The following ROR1 variants were observed in gnomAD, a reference collection of about 807,000 sequenced individuals.
The protein encoded by ROR1 is ROR family WNT receptor 1, also known as inactive tyrosine-protein kinase transmembrane receptor ROR1.
A neutral mutation model predicts 78.8 loss-of-function variants in ROR1; 19 were observed. The observed-to-expected ratio is 0.24, with a 90% CI of 0.17 to 0.35. The LOEUF (loss-of-function observed/expected upper bound fraction) is 0.35, where lower values mean the gene tolerates loss of function less well. Ranked by LOEUF, ROR1 falls within the 10% of genes least tolerant of loss-of-function variation. The probability of loss-of-function intolerance (pLI) is 1.00; values close to 1 mark genes in which losing one functional copy is unlikely to be tolerated. For synonymous variants in ROR1, 386 were observed against 433.6 expected, an observed-to-expected ratio of 0.89 and a Z score of 1.36; for missense variants, 917 against 1,177.8, an observed-to-expected ratio of 0.78 and a Z score of 3.24.
At chr1:63,950,562 T>A (rs1157809648) in intron 1 of ROR1, among the ~76,000 whole-genome samples, 1 of 152,220 alleles carries the variant, frequency 6.6e-6, no homozygotes, top group Non-Finnish European at 1.5e-5. Context: ...TTGTGACCTG[T>A]ATTTTGTGCC....
intron 1 of ROR1, among the ~76,000 whole-genome samples, chr1:63,869,170 T>G (rs1350686400): frequency 1.3e-5 from 2 of 152,188 alleles, no homozygotes; most frequent in Non-Finnish European, 2.9e-5. Flanking sequence ...TCTGTTGTTT[T>G]TTGGAACCAT....
intron 8 of ROR1, among the ~76,000 whole-genome samples, chr1:64,167,063 C>T (rs138712996): frequency 1.4e-3 from 214 of 152,272 alleles, no homozygotes; most frequent in Non-Finnish European, 2.0e-3. Context: ...TCAGAATTGG[C>T]CCAAAGTCAC....
chr1:64,146,305 G>A (rs1337541913), intron 7 of ROR1, among the ~76,000 whole-genome samples: 4 of 152,182 alleles, frequency 2.6e-5, no homozygotes, highest in Admixed American at 1.3e-4. Context: ...GTGAAACCCC[G>A]TCTCTACCAA....
rs1650433408 is a variant in ROR1 at position 64,177,990 on chromosome 1, G to A, written c.1949G>A (p.Ser650Asn). ...IYSADYYRVQ[S>N]KSLLPIRWMP... is the part of the protein sequence containing the mutation. ...TCCGCTGATTACTACAGGGTCCAGA[G>A]TAAGTCCTTGCTGCCCATTCGCTGG... Residue 650 changes from serine to asparagine, a missense_variant, in exon 9 of 9, where the codon AGT (serine) becomes AAT (asparagine). Physicochemically the swap from Ser to Asn is conservative, Grantham distance 46. Around this residue, in one of 3 missense-constraint regions of ROR1, gnomAD observed 835 missense variants for 1,069.8 expected, o/e 0.78. Coordinates refer to ENST00000371079, the MANE Select transcript of ROR1 (RefSeq NM_005012.4). 1 of 1,614,224 alleles carries A rather than the reference G, an allele frequency of 6.2e-7. No homozygotes were observed. Among genetic ancestry groups the A allele is most frequent in the Admixed American group, 1.7e-5 (1 of 60,030 alleles).
chr1:63,820,404 C>T (rs1466011847), intron 1 of ROR1, among the ~76,000 whole-genome samples: 1 of 152,178 alleles, frequency 6.6e-6, no homozygotes, highest in African/African-American at 2.4e-5. Flanking sequence ...TGTGATTGCA[C>T]TGTAGAAGGC....
chr1:64,118,632 CAAAAAAAAAAAAAA>C (rs3084938), intron 4 of ROR1, among the ~76,000 whole-genome samples: 10 of 65,848 alleles, frequency 1.5e-4, no homozygotes, highest in East Asian at 1.5e-3. Flanking sequence ...GACTCCATCT[CAAAAAAAAAAAAAA>C]AAAAAAAAAA....
intron 1 of ROR1, among the ~76,000 whole-genome samples, chr1:63,986,004 T>C (rs572640038): frequency 1.3e-5 from 2 of 152,280 alleles, no homozygotes; most frequent in East Asian, 3.9e-4. Context: ...AATCATTTCT[T>C]GTTCACTGCC....
At chr1:63,967,854 C>A (rs754753515) in intron 1 of ROR1, among the ~76,000 whole-genome samples, 7 of 152,168 alleles carry the variant, frequency 4.6e-5, no homozygotes, top group Non-Finnish European at 7.3e-5. Flanking sequence ...ATTTGGGTTT[C>A]TGTTGACTGG....
At chr1:64,132,302 T>A (rs902608871) in intron 4 of ROR1, among the ~76,000 whole-genome samples, 1 of 152,220 alleles carries the variant, frequency 6.6e-6, no homozygotes, top group Non-Finnish European at 1.5e-5. Flanking sequence ...TCCATTCATC[T>A]GTTGATGAAC....
chr1:64,157,946 TGA>T (rs1649820975), intron 7 of ROR1, among the ~76,000 whole-genome samples: 1 of 152,376 alleles, frequency 6.6e-6, no homozygotes, highest in Non-Finnish European at 1.5e-5. Flanking sequence ...TGTGTCAATT[TGA>T]GTTTTCACAC....
rs74695748 is a variant in ROR1, at chr1:64,060,501, A to G, written c.482+9785A>G. 1.6e-3 allele frequency among the ~76,000 whole-genome samples: 244 copies of G among 152,312 alleles called. 2 individuals are homozygous for G. In the East Asian group the frequency reaches 0.036, roughly 23 times the overall value. ...CTATTTTCCTCTTTTATCCATTTCC[A>G]AGTGTTAGCCATAGTGAAGAAGTGT... On this transcript the variant is annotated intron_variant, in intron 4 of 8. Transcript: ENST00000371079.
chr1:63,890,732 G>A (rs542143373), intron 1 of ROR1, among the ~76,000 whole-genome samples: 84 of 152,090 alleles, frequency 5.5e-4, no homozygotes, highest in African/African-American at 2.0e-3. Context: ...ATTCACAAAG[G>A]CATAAAAGTG....
intron 4 of ROR1, among the ~76,000 whole-genome samples, chr1:64,058,395 GTT>G (rs1042844288): frequency 6.8e-6 from 1 of 147,000 alleles, no homozygotes; most frequent in Non-Finnish European, 1.5e-5. Flanking sequence ...TGGACATCCT[GTT>G]TTTTTTTTAC....
chr1:64,008,361 CT>C (rs1646447088), intron 1 of ROR1, among the ~76,000 whole-genome samples: 1 of 152,298 alleles, frequency 6.6e-6, no homozygotes, highest in South Asian at 2.1e-4. Flanking sequence ...ATCCAGTCCT[CT>C]GTTGATGGGC....
At chr1:64,061,900 A>G (rs544765022) in intron 4 of ROR1, among the ~76,000 whole-genome samples, 36 of 152,254 alleles carry the variant, frequency 2.4e-4, no homozygotes, top group South Asian at 1.9e-3. Flanking sequence ...ACTTGCTCCT[A>G]GATTCTCTTT....
Position 64,178,029 on chromosome 1 carries a change from C to T in ROR1, c.1988C>T (p.Ala663Val). The stretch of plus-strand genomic sequence containing the variant: ...CCCATTCGCTGGATGCCCCCTGAAG[C>T]CATCATGTATGGCAAATTCTCTTCT... Reference protein sequence around the residue: ...LLPIRWMPPEAIMYGKFSSDS... With the variant: ...LLPIRWMPPEVIMYGKFSSDS... Residue 663 changes from alanine (A) to valine (V), a missense_variant, in exon 9 of 9, where the codon GCC becomes GTC. Physicochemically the swap from Ala to Val is moderately conservative, Grantham distance 64. Transcript: ENST00000371079. The surrounding 1 kb of genome is among the most constrained non-coding windows in gnomAD (Gnocchi z 4.3). 2 of 1,614,186 alleles carry T rather than the reference C, an allele frequency of 1.2e-6. No individual in the cohort carries two copies. Among genetic ancestry groups the T allele is most frequent in the Non-Finnish European group, 1.7e-6 (2 of 1,180,028 alleles).
At chr1:63,812,699 T>C (rs1330532281) in intron 1 of ROR1, among the ~76,000 whole-genome samples, 2 of 152,236 alleles carry the variant, frequency 1.3e-5, no homozygotes, top group Admixed American at 1.3e-4. Context: ...AATATAACTT[T>C]GGGTGTTTAA....
chr1:63,805,163 A>C (rs889990353), intron 1 of ROR1, among the ~76,000 whole-genome samples: 1 of 152,206 alleles, frequency 6.6e-6, no homozygotes, highest in Admixed American at 6.5e-5. Context: ...TGGAGCCAAA[A>C]AAGAGTCAGC....
rs561360193 is a variant in ROR1, at chr1:63,919,955, A to G, written c.92-89350A>G. Among the ~76,000 whole-genome samples, 6 of 152,320 alleles carry G rather than the reference A, an allele frequency of 3.9e-5. No individual in the cohort carries two copies. In the South Asian group the frequency reaches 6.2e-4, roughly 16 times the overall value. On this transcript the variant is annotated intron_variant, in intron 1 of 8. Transcript: ENST00000371079. Reference sequence around the variant, plus strand: ...TATCCGCTTAGCAGAGGCAAAATAAATGTAGCTTAAATGCAGCTGAAAATG... The same window carrying G: ...TATCCGCTTAGCAGAGGCAAAATAAGTGTAGCTTAAATGCAGCTGAAAATG...
Sources: gnomAD v4.1 joint callset for allele counts (sites outside exome capture counted in the v4.1 genomes callset) on GRCh38, gnomAD v4.1.1 for gene constraint, gnomAD v4.1.1 regional missense constraint, Gnocchi (gnomAD v3.1) non-coding constraint, MANE v1.5 for transcripts, NCBI Gene and HGNC (gene_info 2026-07-23, HGNC 2026-07-21) for gene names.